VAV2: variants seen among roughly 807,000 people sequenced by gnomAD.
VAV2 encodes guanine nucleotide exchange factor VAV2.
A neutral mutation model predicts 132.5 loss-of-function variants in VAV2; 67 were observed. The ratio of observed to expected loss-of-function variants is 0.51; its 90% CI spans 0.42 to 0.62. The LOEUF is 0.62. Among genes scored for constraint, VAV2 ranks in the 20% least tolerant of loss-of-function variants. The pLI, the probability that VAV2 is intolerant of heterozygous loss-of-function variation, is 0.00. For missense variants in VAV2, 938 were observed against 1,153.6 expected (o/e 0.81, Z 2.71); for synonymous variants, 492 against 443.5 (o/e 1.11, Z -1.37).
intron 1 of VAV2, among the ~76,000 whole-genome samples, chr9:133,960,065 C>T (rs753935984): frequency 6.6e-6 from 1 of 152,196 alleles, no homozygotes; most frequent in South Asian, 2.1e-4. Context: ...GCCAGGCCCT[C>T]GTCTCTGAGG....
At chr9:133,869,121 T>A (rs1837925058) in intron 2 of VAV2, among the ~76,000 whole-genome samples, 1 of 151,988 alleles carries the variant, frequency 6.6e-6, no homozygotes, top group Non-Finnish European at 1.5e-5. Context: ...CTCAGCCGCC[T>A]GAGTAGCTGG....
rs1041347076 is a variant in VAV2, at chr9:133,897,025, C to T, written c.322-35593G>A. ...AGGAGAATGGTGTGAACCCGGGAGG[C>T]GGAGCTTGCAGTGAGCCGACATCGT... On this transcript the variant is annotated intron_variant, in intron 2 of 29. Coordinates refer to ENST00000371850, the MANE Select transcript of VAV2 (RefSeq NM_001134398.2). Among the ~76,000 whole-genome samples the T allele has an allele frequency of 6.6e-5, 10 of 152,152 alleles. No individual in the cohort carries two copies. In the East Asian group the frequency reaches 7.7e-4, roughly 12 times the overall value.
chr9:133,888,228 G>C (rs1051602514), intron 2 of VAV2, among the ~76,000 whole-genome samples: 6 of 152,350 alleles, frequency 3.9e-5, no homozygotes, highest in African/African-American at 1.4e-4. Context: ...AGCGCTGAAT[G>C]GGGGCAGAGT....
intron 1 of VAV2, among the ~76,000 whole-genome samples, chr9:133,979,637 G>A (rs1842631368): frequency 6.6e-6 from 1 of 152,176 alleles, no homozygotes; most frequent in Non-Finnish European, 1.5e-5. Flanking sequence ...ACTAATCCGG[G>A]CCCGGCCCCG....
chr9:133,784,510 C>A, intron 17 of VAV2, 92 bp from the exon 18 acceptor site: 1 of 1,388,950 alleles, frequency 7.2e-7, no homozygotes, highest in Non-Finnish European at 1.0e-6. Flanking sequence ...GGCTCCGGAC[C>A]CAGGCTGTGC....
At chr9:133,774,621 G>C (rs639967) in intron 25 of VAV2, among the ~76,000 whole-genome samples, 66,134 of 152,002 alleles carry the variant, frequency 0.44, 15,853 homozygotes, top group African/African-American at 0.62. Flanking sequence ...GCTCACACAG[G>C]ATCTCACCCA....
intron 2 of VAV2, among the ~76,000 whole-genome samples, chr9:133,868,109 T>G (rs1236426622): frequency 2.6e-5 from 4 of 152,230 alleles, no homozygotes; most frequent in Admixed American, 6.5e-5. Context: ...AAAAGTCCCC[T>G]TCATCTTGAG....
chr9:133,976,314 G>A (rs755392844), intron 1 of VAV2, among the ~76,000 whole-genome samples: 2 of 152,312 alleles, frequency 1.3e-5, no homozygotes, highest in African/African-American at 4.8e-5. Flanking sequence ...GATGGAGGAG[G>A]CGACAGTGAG....
intron 1 of VAV2, among the ~76,000 whole-genome samples, chr9:133,955,849 G>A (rs1300353710): frequency 2.4e-5 from 3 of 127,404 alleles, no homozygotes; most frequent in Admixed American, 8.2e-5. Context: ...GCCTCCCCCA[G>A]CCCGAGGGGA....
intron 2 of VAV2, among the ~76,000 whole-genome samples, chr9:133,934,142 T>C (rs1266839249): frequency 6.6e-6 from 1 of 152,064 alleles, no homozygotes; most frequent in East Asian, 1.9e-4. Context: ...GATAAATGGA[T>C]GGATGAGTGA....
In VAV2 at chr9:133,886,346, C is replaced by T. The variant is rs147655318; in HGVS notation, c.322-24914G>A. Reference sequence around the variant, plus strand: ...GGAGGAGGAGTCTCAGAGCCTACCGCGTGCCTAACCCTGCCACAGGGAGGT... The same window carrying T: ...GGAGGAGGAGTCTCAGAGCCTACCGTGTGCCTAACCCTGCCACAGGGAGGT... On this transcript the variant is annotated intron_variant, in intron 2 of 29. Coordinates refer to ENST00000371850, the MANE Select transcript of VAV2 (RefSeq NM_001134398.2). Among the ~76,000 whole-genome samples, 516 of 152,320 alleles carry T rather than the reference C, an allele frequency of 3.4e-3. 1 individual carries two copies. Among genetic ancestry groups the T allele is most frequent in the African/African-American group, 0.011 (475 of 41,572 alleles).
intron 2 of VAV2, among the ~76,000 whole-genome samples, chr9:133,933,730 GTGGATGAATGGATGA>G (rs1840778503): frequency 7.5e-6 from 1 of 132,580 alleles, no homozygotes; most frequent in African/African-American, 3.0e-5. Context: ...TGGATGGATG[GTGGATGAATGGATGA>G]GTGGATGGAT....
rs1264265663 is a variant in VAV2 at position 133,890,352 on chromosome 9, A to G, written c.322-28920T>C. 7.9e-5 allele frequency among the ~76,000 whole-genome samples: 12 copies of G among 152,312 alleles called. No homozygotes were observed. In the East Asian group the frequency reaches 1.9e-3, roughly 25 times the overall value. ...CGCAGGCCGTGGGGCAACCAGGAGGAATCGTGGCTGTGAGTCCAGGAGTGA... is the reference window on the plus strand; with the variant it reads ...CGCAGGCCGTGGGGCAACCAGGAGGGATCGTGGCTGTGAGTCCAGGAGTGA... On this transcript the variant is annotated intron_variant, in intron 2 of 29. Coordinates refer to ENST00000371850, the MANE Select transcript of VAV2 (RefSeq NM_001134398.2).
At chr9:133,941,693 C>T (rs1841168182) in intron 1 of VAV2, among the ~76,000 whole-genome samples, 1 of 148,294 alleles carries the variant, frequency 6.7e-6, no homozygotes, top group South Asian at 2.2e-4. Context: ...ACCTCTGCCT[C>T]CCAGGTTCAA....
chr9:133,764,145 TG>T, intron 29 of VAV2, 36 bp from the exon 30 acceptor site: 1 of 1,613,008 alleles, frequency 6.2e-7, no homozygotes, highest in Non-Finnish European at 8.5e-7. Flanking sequence ...TGTGTGTGTG[TG>T]TGTGTGTGTA....
chr9:133,960,947 T>C (rs1280008337), intron 1 of VAV2, among the ~76,000 whole-genome samples: 12 of 152,106 alleles, frequency 7.9e-5, no homozygotes, highest in Admixed American at 1.3e-4. Flanking sequence ...CCCAGGAGGA[T>C]GGTGAGCACA....
intron 10 of VAV2, among the ~76,000 whole-genome samples, chr9:133,797,016 G>A (rs892456373): frequency 6.6e-6 from 1 of 152,178 alleles, no homozygotes; most frequent in East Asian, 1.9e-4. Context: ...GACTTGGGGG[G>A]CATCGTGCAT....
chr9:133,859,206 G>A (rs1837502500), intron 3 of VAV2, among the ~76,000 whole-genome samples: 1 of 152,208 alleles, frequency 6.6e-6, no homozygotes, highest in South Asian at 2.1e-4. Context: ...CCTTTCCATG[G>A]TCCTCACCAC....
intron 1 of VAV2, among the ~76,000 whole-genome samples, chr9:133,957,706 G>A (rs915019908): frequency 7.9e-5 from 12 of 152,264 alleles, no homozygotes; most frequent in South Asian, 2.1e-4. Flanking sequence ...CACCCTGCCT[G>A]GGCCACTCCA....
Sources: gnomAD v4.1 joint callset for allele counts (sites outside exome capture counted in the v4.1 genomes callset) on GRCh38, gnomAD v4.1.1 for gene constraint, MANE v1.5 for transcripts, NCBI Gene and HGNC (gene_info 2026-07-23, HGNC 2026-07-21) for gene names.